CNBD1: variants seen among roughly 807,000 people sequenced by gnomAD.
The protein encoded by CNBD1 is cyclic nucleotide-binding domain-containing protein 1.
Under a neutral mutation model 54.4 loss-of-function variants are expected in CNBD1, and 71 were observed. The observed-to-expected ratio is 1.30, with a 90% CI of 1.08 to 1.59. CNBD1 has a LOEUF of 1.59. Ranked by LOEUF, CNBD1 falls within the 40% of genes most tolerant of loss-of-function variation. CNBD1 has a pLI of 0.00. For missense variants in CNBD1, 659 were observed against 518.0 expected (o/e 1.27, Z -2.64); for synonymous variants, 182 against 170.7 (o/e 1.07, Z -0.51).
At chr8:87,032,313 T>C (rs1193817791) in intron 4 of CNBD1, among the ~76,000 whole-genome samples, 1 of 152,214 alleles carries the variant, frequency 6.6e-6, no homozygotes, top group Non-Finnish European at 1.5e-5. Context: ...ACTAAGAGCC[T>C]ATTGTTGATC....
At chr8:86,907,393 C>T (rs1353526772) in intron 3 of CNBD1, among the ~76,000 whole-genome samples, 3 of 152,096 alleles carry the variant, frequency 2.0e-5, no homozygotes, top group South Asian at 2.1e-4. Context: ...AGGGGCCGGG[C>T]GTGGTGGCTC....
At chr8:87,028,118 C>T (rs1021270779) in intron 4 of CNBD1, among the ~76,000 whole-genome samples, 2 of 152,182 alleles carry the variant, frequency 1.3e-5, no homozygotes, top group Admixed American at 6.5e-5. Context: ...GTGCATTCCT[C>T]TCTCAGTCAG....
chr8:87,170,061 T>A (rs556094693), intron 4 of CNBD1, among the ~76,000 whole-genome samples: 6 of 152,152 alleles, frequency 3.9e-5, no homozygotes, highest in African/African-American at 1.4e-4. Context: ...TATATTTCAA[T>A]TTTTTGGCCT....
At chr8:87,371,977 G>C (rs531102275) in intron 10 of CNBD1, among the ~76,000 whole-genome samples, 2,807 of 151,916 alleles carry the variant, frequency 0.018, 85 homozygotes, top group African/African-American at 0.064. Flanking sequence ...AGTGTTGGAA[G>C]TTCTGGCCAG....
intron 4 of CNBD1, among the ~76,000 whole-genome samples, chr8:87,033,288 G>T (rs747482478): frequency 3.9e-5 from 6 of 152,210 alleles, no homozygotes; most frequent in Non-Finnish European, 5.9e-5. Context: ...TAGAGACATT[G>T]TGTTTGGGGG....
Position 87,411,949 on chromosome 8 carries a change from G to C in CNBD1, c.214-16597G>C, listed in dbSNP as rs191868735. ...TTTTGCTTGTACGGGAGAAGTGTTT[G>C]ACATAGCTTTTTTTGTTTTTCTTAT... On this transcript the variant is annotated intron_variant, in intron 2 of 7. Transcript: ENST00000521593. Among the ~76,000 whole-genome samples the C allele has an allele frequency of 6.6e-5, 10 of 152,010 alleles. No individual in the cohort carries two copies. In the Admixed American group the frequency reaches 6.6e-4, roughly 10 times the overall value.
intron 3 of CNBD1, among the ~76,000 whole-genome samples, chr8:86,914,094 G>A (rs1809145990): frequency 6.6e-6 from 1 of 152,038 alleles, no homozygotes; most frequent in South Asian, 2.1e-4. Context: ...TGTTCTTAAG[G>A]TGCCCAGATT....
intron 6 of CNBD1, among the ~76,000 whole-genome samples, chr8:87,273,770 G>T (rs899473294): frequency 6.6e-6 from 1 of 151,234 alleles, no homozygotes; most frequent in East Asian, 1.9e-4. Context: ...TGACAAATAA[G>T]TTTTTTTTTA....
intron 10 of CNBD1, among the ~76,000 whole-genome samples, chr8:87,379,705 AT>A (rs534022931): frequency 1.3e-3 from 195 of 151,934 alleles, no homozygotes; most frequent in African/African-American, 4.0e-3. Context: ...AATACCAGTA[AT>A]TTTTTTTAAG....
intron 4 of CNBD1, among the ~76,000 whole-genome samples, chr8:86,985,669 A>C (rs571853162): frequency 2.9e-4 from 44 of 152,220 alleles, no homozygotes; most frequent in South Asian, 1.5e-3. Flanking sequence ...ATGTAAGTGC[A>C]TGTGTCTTTT....
intron 4 of CNBD1, among the ~76,000 whole-genome samples, chr8:86,985,337 C>A (rs890374794): frequency 1.3e-5 from 2 of 152,114 alleles, no homozygotes; most frequent in Non-Finnish European, 2.9e-5. Flanking sequence ...GATCTCATTA[C>A]CCAGGTAGTG....
chr8:87,329,637 C>A (rs1452613935), intron 8 of CNBD1, among the ~76,000 whole-genome samples: 1 of 151,918 alleles, frequency 6.6e-6, no homozygotes, highest in East Asian at 1.9e-4. Flanking sequence ...GTAACTGTTT[C>A]ATTGATGGGA....
intron 4 of CNBD1, among the ~76,000 whole-genome samples, chr8:87,126,360 C>G (rs896238863): frequency 3.3e-5 from 5 of 151,996 alleles, no homozygotes; most frequent in East Asian, 3.9e-4. Context: ...TTGTGATATC[C>G]CTTTGTGGTT....
chr8:86,963,777 C>G (rs1010011505), intron 4 of CNBD1, among the ~76,000 whole-genome samples: 1 of 152,110 alleles, frequency 6.6e-6, no homozygotes, highest in African/African-American at 2.4e-5. Flanking sequence ...TTTCCTTGAT[C>G]CCTAGAATCA....
chr8:86,922,800 T>C (rs1809295781), intron 3 of CNBD1, among the ~76,000 whole-genome samples: 2 of 152,200 alleles, frequency 1.3e-5, no homozygotes, highest in African/African-American at 4.8e-5. Flanking sequence ...TGAATTGCTC[T>C]GCCTGGTAGA....
At chr8:87,349,925 T>C (rs1810250491) in intron 8 of CNBD1, among the ~76,000 whole-genome samples, 1 of 152,218 alleles carries the variant, frequency 6.6e-6, no homozygotes. Flanking sequence ...TTCCTCTTTG[T>C]TGTTATATAT....
chr8:87,266,436 A>AACT (rs71503464), intron 6 of CNBD1, among the ~76,000 whole-genome samples: 4 of 76,224 alleles, frequency 5.2e-5, no homozygotes, highest in South Asian at 3.8e-4. Flanking sequence ...AAAAAAAAAA[A>AACT]TCTTTTTTTT....
chr8:87,209,210 T>C (rs1425615159), intron 5 of CNBD1, among the ~76,000 whole-genome samples: 2 of 152,050 alleles, frequency 1.3e-5, no homozygotes, highest in African/African-American at 2.4e-5. Context: ...TTAAAAAGAA[T>C]TAATATCAAT....
At chr8:87,192,568 A>G (rs918607477) in intron 4 of CNBD1, among the ~76,000 whole-genome samples, 2 of 152,176 alleles carry the variant, frequency 1.3e-5, no homozygotes, top group African/African-American at 2.4e-5. Flanking sequence ...CAGCTTTCTC[A>G]TTTAAAAAGG....
Sources: gnomAD v4.1 joint callset for allele counts (sites outside exome capture counted in the v4.1 genomes callset) on GRCh38, gnomAD v4.1.1 for gene constraint, MANE v1.5 for transcripts, NCBI Gene and HGNC (gene_info 2026-07-23, HGNC 2026-07-21) for gene names.